CDH20: variants seen among roughly 807,000 people sequenced by gnomAD.
The protein encoded by CDH20 is cadherin-20.
Under a neutral mutation model 74.2 loss-of-function variants are expected in CDH20, and 29 were observed. The ratio of observed to expected loss-of-function variants is 0.39; its 90% CI spans 0.29 to 0.53. The LOEUF (loss-of-function observed/expected upper bound fraction) is 0.53, where lower values mean the gene tolerates loss of function less well. Among genes scored for constraint, CDH20 ranks in the 20% least tolerant of loss-of-function variants. The pLI is 0.69. For synonymous variants in CDH20, 469 were observed against 405.4 expected, an observed-to-expected ratio of 1.16 and a Z score of -1.88; for missense variants, 988 against 1,048.3, an observed-to-expected ratio of 0.94 and a Z score of 0.79.
intron 1 of CDH20, among the ~76,000 whole-genome samples, chr18:61,448,902 A>G (rs1462497650): frequency 2.0e-5 from 3 of 152,178 alleles, no homozygotes; most frequent in Non-Finnish European, 1.5e-5. Context: ...CGTAAAATCA[A>G]TTCTAAGTGG....
intron 1 of CDH20, among the ~76,000 whole-genome samples, chr18:61,394,590 G>C (rs531355635): frequency 6.6e-6 from 1 of 152,250 alleles, no homozygotes; most frequent in Admixed American, 6.5e-5. Context: ...CAAACACCTT[G>C]ATCTTGGAAT....
chr18:61,355,810 T>A (rs1020345934), intron 1 of CDH20, among the ~76,000 whole-genome samples: 2 of 152,120 alleles, frequency 1.3e-5, no homozygotes, highest in African/African-American at 4.8e-5. Context: ...ATTAATAAAT[T>A]TGGGCAAAAA....
intron 1 of CDH20, among the ~76,000 whole-genome samples, chr18:61,343,481 A>C (rs1447953372): frequency 6.6e-6 from 1 of 152,210 alleles, no homozygotes; most frequent in African/African-American, 2.4e-5. Context: ...TGCTGGAGAA[A>C]GGCAGACCCA....
intron 1 of CDH20, among the ~76,000 whole-genome samples, chr18:61,402,015 G>T (rs1268840108): frequency 1.3e-5 from 2 of 152,192 alleles, no homozygotes. Context: ...TTGACCAAAG[G>T]TTGGTTTGTC....
intron 1 of CDH20, among the ~76,000 whole-genome samples, chr18:61,437,872 G>A (rs1908888468): frequency 6.6e-6 from 1 of 152,002 alleles, no homozygotes; most frequent in Admixed American, 6.6e-5. Flanking sequence ...TATTCATTCT[G>A]TCCATACTAT....
chr18:61,522,227 G>T (rs1912235847), intron 6 of CDH20, among the ~76,000 whole-genome samples: 1 of 152,128 alleles, frequency 6.6e-6, no homozygotes, highest in South Asian at 2.1e-4. Flanking sequence ...AAAGTCTCAG[G>T]ATACAAAATC....
intron 1 of CDH20, among the ~76,000 whole-genome samples, chr18:61,431,910 C>T (rs1049812229): frequency 6.6e-6 from 1 of 152,016 alleles, no homozygotes; most frequent in African/African-American, 2.4e-5. Flanking sequence ...GCTGTACCAA[C>T]TGATGATTAA....
Position 61,554,208 on chromosome 18 carries a change from T to C in CDH20, c.1919T>C (p.Leu640Ser). The C allele has an allele frequency of 6.2e-7, 1 of 1,610,758 alleles. No individual in the cohort carries two copies. Among genetic ancestry groups the C allele is most frequent in the African/African-American group, 1.3e-5 (1 of 74,982 alleles). Residue 640 changes from leucine (L) to serine (S), a missense_variant, in exon 12 of 12, where the codon TTG becomes TCG. Transcript: ENST00000262717. ...CTGGCAGTGCTGGTGTTGCTCATTTTGTCCATGAGGCGGCACCGGAAACAA... is the reference window on the plus strand; with the variant it reads ...CTGGCAGTGCTGGTGTTGCTCATTTCGTCCATGAGGCGGCACCGGAAACAA... Reference protein sequence around the residue: ...FVLLVLVLLILSMRRHRKQPY... With the variant: ...FVLLVLVLLISSMRRHRKQPY...
intron 2 of CDH20, among the ~76,000 whole-genome samples, chr18:61,498,907 T>C (rs1260546709): frequency 2.0e-5 from 3 of 152,188 alleles, no homozygotes; most frequent in Admixed American, 6.5e-5. Flanking sequence ...TTTCCAGAGT[T>C]CCTGTTTTCC....
chr18:61,426,963 T>C (rs984781028), intron 1 of CDH20, among the ~76,000 whole-genome samples: 1 of 152,110 alleles, frequency 6.6e-6, no homozygotes, highest in Non-Finnish European at 1.5e-5. Flanking sequence ...GAGACTGCAA[T>C]GACCGAAGCA....
chr18:61,462,286 C>A (rs1464904203), intron 1 of CDH20, among the ~76,000 whole-genome samples: 3 of 152,062 alleles, frequency 2.0e-5, no homozygotes, highest in Non-Finnish European at 4.4e-5. Flanking sequence ...TCACCTTGTA[C>A]CCCATAAATA....
chr18:61,426,264 T>C, intron 1 of CDH20, among the ~76,000 whole-genome samples: 1 of 151,860 alleles, frequency 6.6e-6, no homozygotes, highest in East Asian at 1.9e-4. Flanking sequence ...ATTAAATGAG[T>C]TAACAAACTT....
intron 11 of CDH20, among the ~76,000 whole-genome samples, chr18:61,553,265 A>AG (rs1466187013): frequency 1.4e-5 from 2 of 146,290 alleles, no homozygotes; most frequent in Non-Finnish European, 3.1e-5. Flanking sequence ...GCACACCAGA[A>AG]AAAAAAAAAA....
intron 2 of CDH20, among the ~76,000 whole-genome samples, chr18:61,497,004 G>A (rs943521134): frequency 2.7e-5 from 4 of 150,808 alleles, no homozygotes; most frequent in African/African-American, 9.8e-5. Context: ...TTTGTGCCCA[G>A]GTCCAAATGA....
Position 61,555,442 on chromosome 18 carries a change from T to A in CDH20, c.*747T>A. 1 of 985,456 alleles carries A rather than the reference T, an allele frequency of 1.0e-6. No homozygotes were observed. The highest frequency in any genetic ancestry group is 1.2e-6 in the Non-Finnish European group (1 of 829,940). 61.0% of individuals were successfully genotyped at this position (985,456 alleles called of 1,614,324 possible). On this transcript the variant is annotated 3_prime_UTR_variant, in exon 12 of 12. Transcript: ENST00000262717. The stretch of plus-strand genomic sequence containing the variant: ...TGTGCCCCTGCAAAATTGTTCAGAA[T>A]GAAACCAGAAAAATCTGCCTCTTTT...
chr18:61,367,486 C>G (rs1910899495), intron 1 of CDH20, among the ~76,000 whole-genome samples: 2 of 152,278 alleles, frequency 1.3e-5, no homozygotes, highest in South Asian at 4.1e-4. Context: ...GGTCTAAAAT[C>G]AAGGGGTCAG....
chr18:61,349,734 T>C (rs1910243945), intron 1 of CDH20, among the ~76,000 whole-genome samples: 1 of 150,824 alleles, frequency 6.6e-6, no homozygotes, highest in South Asian at 2.1e-4. Context: ...TATATAAACT[T>C]CTAAATTGTC....
intron 10 of CDH20, chr18:61,549,776 G>T (rs954480880): frequency 1.0e-5 from 6 of 584,418 alleles, no homozygotes; most frequent in Non-Finnish European, 1.8e-5. Flanking sequence ...TAGGCCTCAG[G>T]GTTTTGCCTA....
intron 1 of CDH20, among the ~76,000 whole-genome samples, chr18:61,461,182 C>G (rs1380234225): frequency 6.6e-6 from 1 of 151,888 alleles, no homozygotes; most frequent in African/African-American, 2.4e-5. Context: ...TTTTATTACT[C>G]ACGAGTATTC....
Sources: gnomAD v4.1 joint callset for allele counts (sites outside exome capture counted in the v4.1 genomes callset) on GRCh38, gnomAD v4.1.1 for gene constraint, MANE v1.5 for transcripts, NCBI Gene and HGNC (gene_info 2026-07-23, HGNC 2026-07-21) for gene names.